The following FBXO31 variants were observed in gnomAD, a reference collection of about 807,000 sequenced individuals.
FBXO31 encodes the protein F-box protein 31, also known as F-box only protein 31.
In FBXO31, 24 loss-of-function variants were observed where a neutral mutation model predicts 54.4. The ratio of observed to expected loss-of-function variants is 0.44; its 90% confidence interval spans 0.32 to 0.62. The LOEUF (loss-of-function observed/expected upper bound fraction) is 0.62, where lower values mean the gene tolerates loss of function less well. Ranked by LOEUF, FBXO31 falls within the 20% of genes least tolerant of loss-of-function variation. FBXO31 has a pLI of 0.05. For missense variants in FBXO31, 665 were observed against 787.1 expected (o/e 0.84, Z 1.86); for synonymous variants, 388 against 335.6 (o/e 1.16, Z -1.71).
At chr16:87,378,231 AAAAAAGAAGC>A (rs1407037896) in intron 1 of FBXO31, among the ~76,000 whole-genome samples, 1 of 152,188 alleles carries the variant, frequency 6.6e-6, no homozygotes, top group Non-Finnish European at 1.5e-5. Context: ...CAAAGAAAGG[AAAAAAGAAGC>A]AAAAATGAAA....
intron 1 of FBXO31, among the ~76,000 whole-genome samples, chr16:87,381,677 C>G (rs1026744460): frequency 1.3e-5 from 2 of 152,214 alleles, no homozygotes; most frequent in African/African-American, 4.8e-5. Flanking sequence ...CGACAACAGG[C>G]TGCAAAGGTT....
chr16:87,364,633 C>G (rs970776939), intron 1 of FBXO31, among the ~76,000 whole-genome samples: 2 of 152,170 alleles, frequency 1.3e-5, no homozygotes, highest in African/African-American at 2.4e-5. Flanking sequence ...CCACAGCCCT[C>G]CAGAATGCAG....
At chr16:87,356,155 G>C (rs1191466178) in intron 2 of FBXO31, among the ~76,000 whole-genome samples, 1 of 151,606 alleles carries the variant, frequency 6.6e-6, no homozygotes, top group Non-Finnish European at 1.5e-5. Context: ...CTTGAACCCG[G>C]GAGGCAGAGG....
intron 1 of FBXO31, among the ~76,000 whole-genome samples, chr16:87,365,811 T>C (rs1019847650): frequency 2.6e-5 from 4 of 152,128 alleles, no homozygotes; most frequent in Non-Finnish European, 5.9e-5. Context: ...GCAAATCACT[T>C]GAGGTCAGGA....
rs71156230 is a variant in FBXO31 at position 87,380,296 on chromosome 16, CA to C, written c.340+3108del. Reference sequence around the variant, plus strand: ...CTGGTGACAGAGCGAGACTCCGTCTCAAAAAAAAAAAAAAAAAAAGACAAAG... The same window carrying C: ...CTGGTGACAGAGCGAGACTCCGTCTCAAAAAAAAAAAAAAAAAAGACAAAG... On this transcript the variant is annotated intron_variant, in intron 1 of 8. Coordinates refer to ENST00000311635, the MANE Select transcript of FBXO31 (RefSeq NM_024735.5). Among the ~76,000 whole-genome samples, 875 of 97,774 alleles carry C rather than the reference CA, an allele frequency of 8.9e-3. 3 individuals carry two copies. The highest frequency in any genetic ancestry group is 0.031 in the African/African-American group (788 of 25,316). 64.1% of individuals were successfully genotyped at this position (97,774 alleles called of 152,430 possible). A position where few individuals can be genotyped will look rare whatever the true frequency, so the allele number is the denominator to read the frequency against.
intron 1 of FBXO31, among the ~76,000 whole-genome samples, chr16:87,365,884 C>T (rs1250519557): frequency 3.9e-5 from 6 of 151,974 alleles, no homozygotes; most frequent in African/African-American, 1.5e-4. Context: ...AAAAATTAGC[C>T]GGGTGTGGTG....
At position 87,329,842 on chromosome 16, in the gene FBXO31, C is replaced by T. The variant is rs1904785277; in HGVS notation, c.*1446G>A. ...AAGCAAAGTAAGCATTTGCCAAATG[C>T]ACTGAGGCTGGGCAATGGGAATTCT... On this transcript the variant is annotated 3_prime_UTR_variant, in exon 9 of 9. Transcript: ENST00000311635. 1 of 152,146 alleles carries T rather than the reference C, an allele frequency of 6.6e-6. No individual in the cohort carries two copies. Among genetic ancestry groups the T allele is most frequent in the African/African-American group, 2.4e-5 (1 of 41,356 alleles). The allele number at this position is 152,146 out of a possible 1,614,324, so 9.4% of individuals were successfully genotyped here. A position where few individuals can be genotyped will look rare whatever the true frequency, so the allele number is the denominator to read the frequency against.
In FBXO31 at chr16:87,346,886, C is replaced by T. The variant is rs1422182496; in HGVS notation, c.489+288G>A. Among the ~76,000 whole-genome samples, 2 of 152,332 alleles carry T rather than the reference C, an allele frequency of 1.3e-5. No individual in the cohort carries two copies. The highest frequency in any genetic ancestry group is 2.1e-4 in the South Asian group (1 of 4,832). ...GGGCTCCAGACCCCGCCAACATGTG[C>T]GCGATGGGCCTCAGCGTCCAGGAAG... On this transcript the variant is annotated intron_variant, in intron 3 of 8. Transcript: ENST00000311635. The surrounding 1 kb of genome is among the most constrained non-coding windows in gnomAD (Gnocchi z 4.2).
chr16:87,358,034 A>G lies in FBXO31; in HGVS notation c.412+2261T>C, dbSNP rs1357259882. On this transcript the variant is annotated intron_variant, in intron 2 of 8. Coordinates refer to ENST00000311635, the MANE Select transcript of FBXO31 (RefSeq NM_024735.5). This position sits in a 1 kb window ranked among gnomAD's most constrained non-coding sequence, Gnocchi z 4.0. ...GTGATTAAAACTAATAAAGGTCAGA[A>G]GTCAAATATTCATATTTCACTTTAG... Among the ~76,000 whole-genome samples, 1 of 152,228 alleles carries G rather than the reference A, an allele frequency of 6.6e-6. No homozygotes were observed. The highest frequency in any genetic ancestry group is 2.4e-5 in the African/African-American group (1 of 41,456).
intron 5 of FBXO31, among the ~76,000 whole-genome samples, chr16:87,342,669 G>A (rs1306597864): frequency 2.0e-5 from 3 of 152,196 alleles, no homozygotes; most frequent in South Asian, 4.1e-4. Flanking sequence ...TGCAGGGGGA[G>A]GGGACCGGCA....
At chr16:87,331,545 G>A (rs1362017080) in intron 8 of FBXO31, 35 bp from the exon 9 acceptor site, 10 of 1,542,598 alleles carry the variant, frequency 6.5e-6, no homozygotes, top group Non-Finnish European at 8.8e-6. Flanking sequence ...GTGAGCTGGG[G>A]GAGGGCTGAG....
chr16:87,342,537 G>A lies in FBXO31; in HGVS notation c.732+340C>T, dbSNP rs188507696. 2.0e-3 allele frequency among the ~76,000 whole-genome samples: 306 copies of A among 152,298 alleles called. 3 individuals are homozygous for A. The highest frequency in any genetic ancestry group is 3.4e-3 in the Non-Finnish European group (230 of 68,020). The stretch of plus-strand genomic sequence containing the variant: ...CACAGGAACTCTGGGTGCAGCCCTC[G>A]GGTCTCCCTGCAGCTCACATCCTAG... On this transcript the variant is annotated intron_variant, in intron 5 of 8. Transcript: ENST00000311635.
intron 8 of FBXO31, among the ~76,000 whole-genome samples, chr16:87,333,684 G>A (rs1234648102): frequency 6.6e-6 from 1 of 152,162 alleles, no homozygotes; most frequent in Non-Finnish European, 1.5e-5. Context: ...CCTCCAAGAC[G>A]GGACCCAGCT....
intron 1 of FBXO31, among the ~76,000 whole-genome samples, chr16:87,376,197 G>A (rs933774860): frequency 4.6e-5 from 7 of 152,086 alleles, no homozygotes; most frequent in African/African-American, 1.7e-4. Context: ...TTAAAAGACA[G>A]GCAGAGGTTC....
At chr16:87,385,365 G>A (rs1169998304), upstream of FBXO31, among the ~76,000 whole-genome samples, 1 of 152,062 alleles carries the variant, frequency 6.6e-6, no homozygotes, top group Non-Finnish European at 1.5e-5. Flanking sequence ...GGCTGAGGCA[G>A]GAGAATGGTG....
Position 87,357,425 on chromosome 16 carries a change from G to A in FBXO31, c.412+2870C>T, listed in dbSNP as rs544583472. Among the ~76,000 whole-genome samples the A allele has an allele frequency of 8.5e-4, 128 of 151,306 alleles. 1 individual carries two copies. Among genetic ancestry groups the A allele is most frequent in the African/African-American group, 3.0e-3 (123 of 41,218 alleles). On this transcript the variant is annotated intron_variant, in intron 2 of 8. Transcript: ENST00000311635. Reference sequence around the variant, plus strand: ...GCTCACTGCAACCTTCACCTCCCGGGTTCAAGCGATTCCCCCACCTCAGCC... The same window carrying A: ...GCTCACTGCAACCTTCACCTCCCGGATTCAAGCGATTCCCCCACCTCAGCC...
rs150888760 is a variant in FBXO31 at position 87,358,920 on chromosome 16, G to A, written c.412+1375C>T. 5.2e-3 allele frequency among the ~76,000 whole-genome samples: 787 copies of A among 152,202 alleles called. 6 individuals carry two copies. The highest frequency in any genetic ancestry group is 0.018 in the African/African-American group (743 of 41,532). On this transcript the variant is annotated intron_variant, in intron 2 of 8. Transcript: ENST00000311635. The surrounding 1 kb of genome is among the most constrained non-coding windows in gnomAD (Gnocchi z 4.0). The stretch of plus-strand genomic sequence containing the variant: ...TCACTTTGCCCAGCACCCACCTGGC[G>A]TTTCCCAGCCTGCTAACTCAGGCCA...
Position 87,342,940 on chromosome 16 carries a change from C to T in FBXO31, c.669G>A (p.Lys223=). The part of the protein sequence containing the change: ...PHHGHIQIVK[K]DEFSTKCNQT... ...GGTTGCACTTGGTGGAGAACTCATC[C>T]TTCTTCACAATCTTCAGTGTTTGCA... Residue 223 remains lysine, a synonymous_variant, in exon 5 of 9, where the codon AAG becomes AAA. Coordinates refer to ENST00000311635, the MANE Select transcript of FBXO31 (RefSeq NM_024735.5). The T allele has an allele frequency of 6.2e-7, 1 of 1,607,420 alleles. No homozygotes were observed. The highest frequency in any genetic ancestry group is 8.5e-7 in the Non-Finnish European group (1 of 1,177,020).
intron 1 of FBXO31, among the ~76,000 whole-genome samples, chr16:87,374,969 G>T (rs1423235611): frequency 6.6e-6 from 1 of 152,136 alleles, no homozygotes; most frequent in South Asian, 2.1e-4. Flanking sequence ...GATCACCTGA[G>T]ATCAGGAGTT....
Sources: allele counts gnomAD v4.1 joint callset (sites outside exome capture counted in the v4.1 genomes callset), GRCh38; gene constraint gnomAD v4.1.1; non-coding constraint Gnocchi (gnomAD v3.1); transcripts MANE v1.5; gene names NCBI Gene and HGNC (gene_info 2026-07-23, HGNC 2026-07-21).